Variants in IL1RAPL2 observed in about 807,000 individuals in gnomAD.
The protein encoded by IL1RAPL2 is interleukin 1 receptor accessory protein like 2.
IL1RAPL2 carries 3 observed loss-of-function variants against 44.1 expected under a neutral mutation model. That is an observed-to-expected ratio of 0.07 (90% confidence interval 0.03 to 0.18). IL1RAPL2 has a LOEUF of 0.18. Among genes scored for constraint, IL1RAPL2 ranks in the 10% least tolerant of loss-of-function variants. The pLI is 1.00. For missense variants in IL1RAPL2, 391 were observed against 496.4 expected (o/e 0.79, Z 2.02); for synonymous variants, 181 against 178.8 (o/e 1.01, Z -0.10).
intron 1 of IL1RAPL2, among the ~76,000 whole-genome samples, chrX:104,575,517 C>T (rs1257077801): frequency 1.8e-5 from 2 of 111,165 alleles, no homozygotes; most frequent in Non-Finnish European, 3.8e-5. Flanking sequence ...GGGGAAAGGA[C>T]CATGTAGTGT....
intron 1 of IL1RAPL2, among the ~76,000 whole-genome samples, chrX:104,642,254 A>G (rs1295596609): frequency 2.7e-5 from 3 of 111,863 alleles, no homozygotes; most frequent in African/African-American, 6.5e-5. Flanking sequence ...GTGACTGTCC[A>G]TACACTATTT....
rs149177448 is a variant in IL1RAPL2, at chrX:104,912,920, C to T, written c.82+253925C>T. ...ATACAAAAGAAGTAGCAGGCATAAT[C>T]CTTATCATCAAGGATCTTACAAAAT... is the stretch of plus-strand genomic sequence containing the variant. On this transcript the variant is annotated intron_variant, in intron 2 of 10. Transcript: ENST00000372582. Among the ~76,000 whole-genome samples, 939 of 111,865 alleles carry T rather than the reference C, an allele frequency of 8.4e-3. 12 individuals carry two copies. Among genetic ancestry groups the T allele is most frequent in the African/African-American group, 0.029 (882 of 30,802 alleles).
Position 104,647,191 on chromosome X carries a change from G to A in IL1RAPL2, c.-19-11704G>A. ...AGTCAGCCTGCAGAGGTGCAGGCAG[G>A]GTGGGCCCCCACTGGGACAGCTGGA... On this transcript the variant is annotated intron_variant, in intron 1 of 10. Transcript: ENST00000372582. The A allele has an allele frequency of 9.2e-6, 3 of 327,378 alleles. No individual in the cohort carries two copies. The South Asian group carries it at 9.7e-5, about 11-fold the overall frequency. The allele number at this position is 327,378 out of a possible 1,213,427, so 27.0% of individuals were successfully genotyped here.
intron 2 of IL1RAPL2, among the ~76,000 whole-genome samples, chrX:104,848,372 A>T (rs1230497665): frequency 9.8e-6 from 1 of 101,854 alleles, no homozygotes; most frequent in Non-Finnish European, 2.0e-5. Flanking sequence ...TTTAGCATAT[A>T]AGTTTTTTAT....
intron 4 of IL1RAPL2, among the ~76,000 whole-genome samples, chrX:105,234,683 C>G (rs1194803895): frequency 9.1e-6 from 1 of 109,861 alleles, no homozygotes; most frequent in East Asian, 2.8e-4. Flanking sequence ...CAGCACACAC[C>G]TGTAATCCCA....
intron 2 of IL1RAPL2, among the ~76,000 whole-genome samples, chrX:105,012,700 A>C: frequency 9.7e-6 from 1 of 103,217 alleles, no homozygotes. Context: ...GAATAATAAA[A>C]TGCAAAATTA....
At chrX:104,599,231 G>A (rs1928825027) in intron 1 of IL1RAPL2, among the ~76,000 whole-genome samples, 1 of 111,154 alleles carries the variant, frequency 9.0e-6, no homozygotes, top group Admixed American at 9.6e-5. Context: ...TCCATGTGGG[G>A]AACTATTGAT....
At chrX:105,142,783 T>C (rs1345999049) in intron 2 of IL1RAPL2, among the ~76,000 whole-genome samples, 3 of 109,049 alleles carry the variant, frequency 2.8e-5, no homozygotes, top group Non-Finnish European at 5.7e-5. Context: ...CCCCCTACCC[T>C]CACCCCACAA....
At chrX:105,046,838 G>C in intron 2 of IL1RAPL2, among the ~76,000 whole-genome samples, 1 of 43,692 alleles carries the variant, frequency 2.3e-5, no homozygotes, top group South Asian at 8.0e-4. Context: ...TTTTTTTTTG[G>C]GGGGGTGCTA....
At chrX:105,046,725 A>ATTC (rs1329787340) in intron 2 of IL1RAPL2, among the ~76,000 whole-genome samples, 1 of 110,011 alleles carries the variant, frequency 9.1e-6, no homozygotes, top group Non-Finnish European at 1.9e-5. Flanking sequence ...CACAGTGTCC[A>ATTC]TTCTTGTATT....
chrX:104,645,460 GC>G (rs1199201512), intron 1 of IL1RAPL2, among the ~76,000 whole-genome samples: 1 of 111,298 alleles, frequency 9.0e-6, no homozygotes, highest in African/African-American at 3.3e-5. Flanking sequence ...AACATTCCAT[GC>G]CCTCTCAGCT....
Position 105,755,261 on chromosome X carries a change from T to A in IL1RAPL2, c.1277T>A (p.Phe426Tyr). 8.4e-7 allele frequency: 1 copy of A among 1,191,249 alleles called. No homozygotes were observed. Among genetic ancestry groups the A allele is most frequent in the Non-Finnish European group, 1.1e-6 (1 of 876,836 alleles). The change falls in exon 10 of 11, where the codon TTT becomes TAT. Residue 426 changes from phenylalanine (F) to tyrosine (Y), a missense_variant. Physicochemically the swap from Phe to Tyr is conservative, Grantham distance 22. Around this residue, in one of 2 missense-constraint regions of IL1RAPL2, gnomAD observed 232 missense variants for 244.8 expected, o/e 0.95. Transcript: ENST00000372582. ...LDCDNPEEEQ[F>Y]ALEVLPDVLE... ...TGTGACAATCCTGAAGAAGAGCAGTTTGCTCTTGAAGTACTGCCAGATGTC... is the reference window on the plus strand; with the variant it reads ...TGTGACAATCCTGAAGAAGAGCAGTATGCTCTTGAAGTACTGCCAGATGTC...
intron 6 of IL1RAPL2, among the ~76,000 whole-genome samples, chrX:105,562,672 C>T (rs2036948106): frequency 9.0e-6 from 1 of 110,933 alleles, no homozygotes; most frequent in African/African-American, 3.3e-5. Flanking sequence ...TGCAGTCACT[C>T]AGAGGGCTTG....
At chrX:105,570,762 C>T (rs1040631760) in intron 6 of IL1RAPL2, among the ~76,000 whole-genome samples, 1 of 111,889 alleles carries the variant, frequency 8.9e-6, no homozygotes, top group Non-Finnish European at 1.9e-5. Flanking sequence ...CCCCTTTATA[C>T]ATGTTTGCAT....
At chrX:105,603,777 C>A (rs948476499) in intron 6 of IL1RAPL2, among the ~76,000 whole-genome samples, 1 of 111,409 alleles carries the variant, frequency 9.0e-6, no homozygotes, top group African/African-American at 3.3e-5. Flanking sequence ...TATGTTAGAC[C>A]ACAATACAAA....
At chrX:104,568,748 T>C (rs1373703001) in intron 1 of IL1RAPL2, among the ~76,000 whole-genome samples, 8 of 110,943 alleles carry the variant, frequency 7.2e-5, no homozygotes. Flanking sequence ...TTAGGGAGGG[T>C]GAAATTCCCA....
chrX:104,922,443 TTCCCAAGGCC>T (rs1367255965), intron 2 of IL1RAPL2, among the ~76,000 whole-genome samples: 2 of 112,381 alleles, frequency 1.8e-5, no homozygotes, highest in Non-Finnish European at 3.8e-5. Flanking sequence ...TGAGATAAGC[TTCCCAAGGCC>T]TCCACCTCTC....
intron 2 of IL1RAPL2, among the ~76,000 whole-genome samples, chrX:104,758,076 C>A (rs2147587720): frequency 8.9e-6 from 1 of 111,818 alleles, no homozygotes; most frequent in South Asian, 3.7e-4. Context: ...GACAGTTAAA[C>A]CCAACAGGAC....
chrX:105,321,061 C>A (rs1203907729), intron 5 of IL1RAPL2, among the ~76,000 whole-genome samples: 1 of 111,761 alleles, frequency 8.9e-6, no homozygotes, highest in South Asian at 3.8e-4. Flanking sequence ...ACAGATGTGA[C>A]CTCTCCTGTG....
Sources: gnomAD v4.1 joint callset for allele counts (sites outside exome capture counted in the v4.1 genomes callset) on GRCh38, gnomAD v4.1.1 for gene constraint, gnomAD v4.1.1 regional missense constraint, MANE v1.5 for transcripts, NCBI Gene and HGNC (gene_info 2026-07-23, HGNC 2026-07-21) for gene names.